Variants in GALNT17 observed in about 807,000 individuals in gnomAD.
GALNT17 encodes UDP-GalNAc:polypeptide N-acetylgalactosaminyltransferase-like 3.
Under a neutral mutation model 63.7 loss-of-function variants are expected in GALNT17, and 29 were observed. The observed-to-expected ratio is 0.46, with a 90% CI of 0.34 to 0.62. The LOEUF (loss-of-function observed/expected upper bound fraction) is 0.62, where lower values mean the gene tolerates loss of function less well. Among genes scored for constraint, GALNT17 ranks in the 20% least tolerant of loss-of-function variants. The pLI, the probability that GALNT17 is intolerant of heterozygous loss-of-function variation, is 0.01. For synonymous variants in GALNT17, 305 were observed against 318.3 expected, an observed-to-expected ratio of 0.96 and a Z score of 0.45; for missense variants, 603 against 799.6, an observed-to-expected ratio of 0.75 and a Z score of 2.97.
At chr7:71,593,738 AAGG>A (rs1458261619) in intron 6 of GALNT17, among the ~76,000 whole-genome samples, 1 of 152,226 alleles carries the variant, frequency 6.6e-6, no homozygotes, top group Non-Finnish European at 1.5e-5. Context: ...GAAAATCTAA[AAGG>A]AGAATGAGGA....
At chr7:71,601,298 A>G (rs997568157) in intron 6 of GALNT17, among the ~76,000 whole-genome samples, 14 of 152,152 alleles carry the variant, frequency 9.2e-5, no homozygotes, top group African/African-American at 3.1e-4. Flanking sequence ...GGTAGATAAC[A>G]GTAGTGGGAC....
chr7:71,654,780 A>G (rs1790803964), intron 6 of GALNT17, among the ~76,000 whole-genome samples: 1 of 152,002 alleles, frequency 6.6e-6, no homozygotes, highest in Admixed American at 6.6e-5. Flanking sequence ...TTTATTTTAT[A>G]TTTTATTTTA....
At position 71,321,867 on chromosome 7, in the gene GALNT17, T is replaced by TTTCCTTCC. The variant is rs1178713360; in HGVS notation, c.239-13634_239-13627dup. ...TTCCTTCCTTTCCTTCCTTCCTTCCTTTCCTTCCTTCCTTCCTTCCTTCCT... is the reference window on the plus strand; with the variant it reads ...TTCCTTCCTTTCCTTCCTTCCTTCCTTTCCTTCCTTCCTTCCTTCCTTCCTTCCTTCCT... On this transcript the variant is annotated intron_variant, in intron 1 of 10. Coordinates refer to ENST00000333538, the MANE Select transcript of GALNT17 (RefSeq NM_022479.3). 9.7e-3 allele frequency among the ~76,000 whole-genome samples: 452 copies of TTTCCTTCC among 46,838 alleles called. 23 individuals carry two copies. Among genetic ancestry groups the TTTCCTTCC allele is most frequent in the African/African-American group, 0.029 (380 of 13,252 alleles). 30.7% of individuals were successfully genotyped at this position (46,838 alleles called of 152,430 possible). A position where few individuals can be genotyped will look rare whatever the true frequency, so the allele number is the denominator to read the frequency against.
chr7:71,441,013 G>A (rs1787056535), intron 5 of GALNT17, among the ~76,000 whole-genome samples: 1 of 136,512 alleles, frequency 7.3e-6, no homozygotes, highest in Non-Finnish European at 1.6e-5. Flanking sequence ...TTTTTTTGTT[G>A]TTGTTCTTTT....
chr7:71,437,558 A>C (rs1263258694), intron 5 of GALNT17, among the ~76,000 whole-genome samples: 1 of 152,200 alleles, frequency 6.6e-6, no homozygotes, highest in Non-Finnish European at 1.5e-5. Flanking sequence ...GTGGCCGTCC[A>C]CAGCTGACTG....
intron 1 of GALNT17, among the ~76,000 whole-genome samples, chr7:71,293,471 A>G (rs1043893444): frequency 6.6e-6 from 1 of 152,086 alleles, no homozygotes; most frequent in Non-Finnish European, 1.5e-5. Context: ...CATTTTTTTC[A>G]TATATCCATT....
chr7:71,215,926 G>T (rs943339580), intron 1 of GALNT17, among the ~76,000 whole-genome samples: 11 of 152,046 alleles, frequency 7.2e-5, no homozygotes, highest in African/African-American at 2.4e-4. Context: ...AACACATCAG[G>T]AGAGATAAGC....
At chr7:71,494,898 G>A (rs906846403) in intron 5 of GALNT17, among the ~76,000 whole-genome samples, 10 of 152,164 alleles carry the variant, frequency 6.6e-5, no homozygotes, top group African/African-American at 2.4e-4. Context: ...CAGATCGCGT[G>A]AGACTTACTC....
intron 2 of GALNT17, among the ~76,000 whole-genome samples, chr7:71,352,493 A>G (rs1792206950): frequency 6.6e-6 from 1 of 152,204 alleles, no homozygotes. Context: ...GTAAAACTGA[A>G]AAACAGATTT....
At chr7:71,426,628 G>T (rs182146180) in intron 5 of GALNT17, among the ~76,000 whole-genome samples, 1 of 152,092 alleles carries the variant, frequency 6.6e-6, no homozygotes, top group Non-Finnish European at 1.5e-5. Context: ...CACATCTCAC[G>T]GCAAAGCAGG....
intron 1 of GALNT17, among the ~76,000 whole-genome samples, chr7:71,325,280 C>T (rs987317793): frequency 2.0e-5 from 3 of 152,158 alleles, no homozygotes; most frequent in African/African-American, 7.2e-5. Context: ...AGACGCGGAC[C>T]GGCAGGAGGG....
At position 71,497,361 on chromosome 7, in the gene GALNT17, G is replaced by A. The variant is rs115920489; in HGVS notation, c.963-73924G>A. ...AATCCGAGATGAGCATGCAAGCAGCGTTGGTTCTTTCTGAGGCCTCTCTCC... is the reference window on the plus strand; with the variant it reads ...AATCCGAGATGAGCATGCAAGCAGCATTGGTTCTTTCTGAGGCCTCTCTCC... On this transcript the variant is annotated intron_variant, in intron 5 of 10. Transcript: ENST00000333538. 5.8e-3 allele frequency among the ~76,000 whole-genome samples: 884 copies of A among 152,240 alleles called. 14 individuals are homozygous for A. The highest frequency in any genetic ancestry group is 0.02 in the African/African-American group (831 of 41,554).
rs571237654 is a variant in GALNT17 at position 71,454,796 on chromosome 7, G to C, written c.962+33691G>C. 9.9e-5 allele frequency among the ~76,000 whole-genome samples: 15 copies of C among 152,238 alleles called. No individual in the cohort carries two copies. The South Asian group carries it at 3.1e-3, about 32-fold the overall frequency. On this transcript the variant is annotated intron_variant, in intron 5 of 10. Coordinates refer to ENST00000333538, the MANE Select transcript of GALNT17 (RefSeq NM_022479.3). ...AATTTTCAGCTCTCTGACATCAAAA[G>C]GTGAAATAGAGGACATGAAACCCCT...
intron 6 of GALNT17, among the ~76,000 whole-genome samples, chr7:71,584,005 G>A (rs1443800427): frequency 3.3e-5 from 5 of 151,922 alleles, no homozygotes; most frequent in African/African-American, 9.7e-5. Flanking sequence ...GGTGGCACGC[G>A]CCTATAATCC....
At position 71,228,997 on chromosome 7, in the gene GALNT17, C is replaced by T. The variant is rs946116095; in HGVS notation, c.238+95957C>T. Among the ~76,000 whole-genome samples, 5 of 152,264 alleles carry T rather than the reference C, an allele frequency of 3.3e-5. No individual in the cohort carries two copies. The East Asian group carries it at 9.7e-4, about 29-fold the overall frequency. On this transcript the variant is annotated intron_variant, in intron 1 of 10. Coordinates refer to ENST00000333538, the MANE Select transcript of GALNT17 (RefSeq NM_022479.3). ...TCAGTTCCCCTATGCCTGGATCATC[C>T]AGGGCTGGGGCTTGGTTCTGACCCG...
At chr7:71,242,541 T>C (rs1001379936) in intron 1 of GALNT17, among the ~76,000 whole-genome samples, 1 of 152,088 alleles carries the variant, frequency 6.6e-6, no homozygotes, top group African/African-American at 2.4e-5. Context: ...GTGCTGGGAT[T>C]ACAGGTGTGA....
intron 3 of GALNT17, 97 bp from the exon 4 acceptor site, chr7:71,415,792 C>G (rs932297060): frequency 1.5e-6 from 2 of 1,342,832 alleles, no homozygotes; most frequent in Non-Finnish European, 2.0e-6. Flanking sequence ...TTTTTGAGAT[C>G]TTTGAACTCC....
At chr7:71,678,555 T>C (rs1791186381) in intron 9 of GALNT17, among the ~76,000 whole-genome samples, 1 of 151,732 alleles carries the variant, frequency 6.6e-6, no homozygotes, top group African/African-American at 2.4e-5. Flanking sequence ...CCCAGTGCTA[T>C]GGGAGGCTGA....
chr7:71,302,877 T>C (rs1791226144), intron 1 of GALNT17, among the ~76,000 whole-genome samples: 1 of 152,198 alleles, frequency 6.6e-6, no homozygotes, highest in Non-Finnish European at 1.5e-5. Flanking sequence ...TATTTACTTT[T>C]TTGAGACAGA....
Sources: allele counts gnomAD v4.1 joint callset (sites outside exome capture counted in the v4.1 genomes callset), GRCh38; gene constraint gnomAD v4.1.1; transcripts MANE v1.5; gene names NCBI Gene and HGNC (gene_info 2026-07-23, HGNC 2026-07-21).